Variants in SKAP1 observed in about 807,000 individuals in gnomAD.
SKAP1 encodes src kinase-associated phosphoprotein 1.
Under a neutral mutation model 58.5 loss-of-function variants are expected in SKAP1, and 44 were observed. That is an observed-to-expected ratio of 0.75 (90% CI 0.59 to 0.97). The LOEUF is 0.97. SKAP1 is among the 50% of genes least tolerant of loss of function. The pLI, the probability that SKAP1 is intolerant of heterozygous loss-of-function variation, is 0.00. For missense variants in SKAP1, 390 were observed against 435.2 expected, an observed-to-expected ratio of 0.90 and a Z score of 0.92; for synonymous variants, 127 against 149.7, an observed-to-expected ratio of 0.85 and a Z score of 1.11.
rs1048827820 is a variant in SKAP1 at position 48,271,368 on chromosome 17, T to C, written c.280+74537A>G. On this transcript the variant is annotated intron_variant, in intron 4 of 12. Coordinates refer to ENST00000336915, the MANE Select transcript of SKAP1 (RefSeq NM_003726.4). Reference sequence around the variant, plus strand: ...TATTCTTGTTTCTTTGTTTCTTTTTTTTTTTTTTTTTTTTTTGAGACAGGG... The same window carrying C: ...TATTCTTGTTTCTTTGTTTCTTTTTCTTTTTTTTTTTTTTTTGAGACAGGG... 3.9e-4 allele frequency among the ~76,000 whole-genome samples: 57 copies of C among 144,666 alleles called. 1 individual carries two copies. The highest frequency in any genetic ancestry group is 2.8e-4 in the African/African-American group (11 of 39,618). 94.9% of individuals were successfully genotyped at this position (144,666 alleles called of 152,430 possible). A position where few individuals can be genotyped will look rare whatever the true frequency, so the allele number is the denominator to read the frequency against.
At chr17:48,213,123 C>T (rs2064894475) in intron 4 of SKAP1, among the ~76,000 whole-genome samples, 1 of 152,092 alleles carries the variant, frequency 6.6e-6, no homozygotes, top group Non-Finnish European at 1.5e-5. Context: ...GTGTGGATCA[C>T]CTGAGGTCAG....
intron 1 of SKAP1, among the ~76,000 whole-genome samples, chr17:48,402,832 G>A (rs1004204982): frequency 3.3e-5 from 5 of 152,144 alleles, no homozygotes; most frequent in Non-Finnish European, 4.4e-5. Flanking sequence ...ACCACATATC[G>A]TATGATTCCA....
At chr17:48,400,255 C>T (rs914335666) in intron 1 of SKAP1, among the ~76,000 whole-genome samples, 7 of 151,864 alleles carry the variant, frequency 4.6e-5, no homozygotes, top group African/African-American at 9.7e-5. Context: ...CGCACCACCA[C>T]ACCTGGCTAA....
chr17:48,275,407 C>T (rs776277962), intron 4 of SKAP1, among the ~76,000 whole-genome samples: 14 of 152,170 alleles, frequency 9.2e-5, no homozygotes, highest in Non-Finnish European at 7.4e-5. Flanking sequence ...TCTGCTTCAT[C>T]GTATGTTGAC....
intron 4 of SKAP1, among the ~76,000 whole-genome samples, chr17:48,327,977 G>A (rs2066459675): frequency 6.6e-6 from 1 of 152,138 alleles, no homozygotes; most frequent in South Asian, 2.1e-4. Flanking sequence ...ATGCACGAAA[G>A]TGTTACAGCT....
intron 2 of SKAP1, among the ~76,000 whole-genome samples, chr17:48,382,149 G>T (rs913169087): frequency 4.0e-5 from 6 of 150,848 alleles, no homozygotes; most frequent in African/African-American, 1.5e-4. Context: ...CATGGTATGT[G>T]TGTGATGAAT....
intron 4 of SKAP1, among the ~76,000 whole-genome samples, chr17:48,208,058 T>A (rs1237353136): frequency 6.6e-6 from 1 of 152,234 alleles, no homozygotes; most frequent in African/African-American, 2.4e-5. Context: ...TTCACCTTTT[T>A]AAAAAATAAT....
chr17:48,184,204 T>G (rs2064412454), intron 7 of SKAP1, among the ~76,000 whole-genome samples: 1 of 152,224 alleles, frequency 6.6e-6, no homozygotes, highest in Non-Finnish European at 1.5e-5. Context: ...CTTCAATTAT[T>G]ATTGTTACTA....
At chr17:48,159,497 T>C (rs1247747365) in intron 11 of SKAP1, among the ~76,000 whole-genome samples, 1 of 152,228 alleles carries the variant, frequency 6.6e-6, no homozygotes, top group Non-Finnish European at 1.5e-5. Context: ...TAGAGCTTTC[T>C]AGACACCACT....
intron 1 of SKAP1, among the ~76,000 whole-genome samples, chr17:48,415,598 T>C (rs2067723102): frequency 6.6e-6 from 1 of 152,076 alleles, no homozygotes; most frequent in Non-Finnish European, 1.5e-5. Flanking sequence ...GAGTTGGAGG[T>C]GGGAGTGCAG....
At chr17:48,284,358 T>A (rs911700660) in intron 4 of SKAP1, among the ~76,000 whole-genome samples, 12 of 152,230 alleles carry the variant, frequency 7.9e-5, no homozygotes, top group African/African-American at 2.9e-4. Flanking sequence ...AGACCACTCA[T>A]GAGTAGTTAT....
intron 4 of SKAP1, among the ~76,000 whole-genome samples, chr17:48,220,855 A>T (rs1174463753): frequency 2.8e-5 from 2 of 71,682 alleles, no homozygotes; most frequent in Admixed American, 1.5e-4. Context: ...TCCATCTCAA[A>T]AAAAAAAAAA....
intron 2 of SKAP1, among the ~76,000 whole-genome samples, chr17:48,389,495 G>A (rs1426798818): frequency 1.3e-5 from 2 of 152,220 alleles, no homozygotes; most frequent in African/African-American, 2.4e-5. Flanking sequence ...CTGTTGCCAA[G>A]GAGGCAATGA....
chr17:48,436,555 C>T, the SKAP1 span, among the ~76,000 whole-genome samples: 1 of 152,152 alleles, frequency 6.6e-6, no homozygotes, highest in Non-Finnish European at 1.5e-5. Context: ...TGTGATCACA[C>T]TCTCTTACAC....
intron 11 of SKAP1, among the ~76,000 whole-genome samples, chr17:48,138,429 G>A (rs1425865296): frequency 6.6e-6 from 1 of 151,192 alleles, no homozygotes; most frequent in African/African-American, 2.4e-5. Context: ...GAGTGCAGTG[G>A]CGCAATCTCG....
chr17:48,403,070 C>A (rs759778190), intron 1 of SKAP1, among the ~76,000 whole-genome samples: 1 of 151,894 alleles, frequency 6.6e-6, no homozygotes, highest in Non-Finnish European at 1.5e-5. Context: ...TGAATTATAT[C>A]TCAATGAAGC....
chr17:48,336,674 C>A (rs1784842996), intron 4 of SKAP1, among the ~76,000 whole-genome samples: 1 of 135,570 alleles, frequency 7.4e-6, no homozygotes, highest in South Asian at 2.5e-4. Context: ...AGGGAGGACC[C>A]AAAGCGTAAT....
chr17:48,349,036 T>G (rs1430300728), intron 3 of SKAP1, among the ~76,000 whole-genome samples: 1 of 152,240 alleles, frequency 6.6e-6, no homozygotes, highest in Non-Finnish European at 1.5e-5. Flanking sequence ...TTTAGTGTCA[T>G]ATCAAGTGAC....
At chr17:48,383,446 T>TAA (rs35104319) in intron 2 of SKAP1, among the ~76,000 whole-genome samples, 7 of 150,776 alleles carry the variant, frequency 4.6e-5, no homozygotes, top group African/African-American at 9.8e-5. Context: ...CTTCCTTAAT[T>TAA]AAAAAAAAAA....
Sources: allele counts gnomAD v4.1 joint callset (sites outside exome capture counted in the v4.1 genomes callset), GRCh38; gene constraint gnomAD v4.1.1; transcripts MANE v1.5; gene names NCBI Gene and HGNC (gene_info 2026-07-23, HGNC 2026-07-21).